Variants in MYO3B observed in about 807,000 individuals in gnomAD.
MYO3B encodes the protein myosin IIIB, also known as myosin-IIIb.
A neutral mutation model predicts 174.6 loss-of-function variants in MYO3B; 156 were observed. The ratio of observed to expected loss-of-function variants is 0.89; its 90% CI spans 0.78 to 1.02. The LOEUF (loss-of-function observed/expected upper bound fraction) is 1.02. MYO3B is among the 50% of genes least tolerant of loss of function. MYO3B has a pLI of 0.00. For missense variants in MYO3B, 1,632 were observed against 1,639.4 expected (o/e 1.00, Z 0.08); for synonymous variants, 563 against 569.1 (o/e 0.99, Z 0.15).
chr2:170,434,871 G>A (rs1394433380), intron 22 of MYO3B, among the ~76,000 whole-genome samples: 1 of 152,190 alleles, frequency 6.6e-6, no homozygotes, highest in African/African-American at 2.4e-5. Context: ...TGTTGCCCAA[G>A]CTGGTCTCAA....
Position 170,391,522 on chromosome 2 carries a change from G to C in MYO3B, c.1580G>C (p.Arg527Thr). The C allele has an allele frequency of 1.4e-6, 2 of 1,436,700 alleles. No homozygotes were observed. The highest frequency in any genetic ancestry group is 1.5e-5 in the African/African-American group (1 of 67,792). 89.0% of individuals were successfully genotyped at this position (1,436,700 alleles called of 1,614,324 possible). Residue 527 changes from arginine (R) to threonine (T), a missense_variant and splice_region_variant, in exon 15 of 35, where the codon AGA becomes ACA. Transcript: ENST00000408978. ...EKSRVIKQAAREKNFHIFYYI... is the reference protein window; with the variant it reads ...EKSRVIKQAATEKNFHIFYYI... ...ACTAAAGTCTCTTTTTTTTTCAGGA[G>C]AGAGAAAAATTTTCATATATTTTAC...
At chr2:170,213,712 A>G (rs1456266341) in intron 3 of MYO3B, among the ~76,000 whole-genome samples, 1 of 152,260 alleles carries the variant, frequency 6.6e-6, no homozygotes, top group African/African-American at 2.4e-5. Flanking sequence ...ACAAATATGC[A>G]AAATAAAATT....
chr2:170,590,583 ATGAT>A (rs1220363486), intron 32 of MYO3B, among the ~76,000 whole-genome samples: 12 of 147,820 alleles, frequency 8.1e-5, no homozygotes, highest in Non-Finnish European at 1.2e-4. Flanking sequence ...TATACTATAT[ATGAT>A]TGATTGATTT....
At chr2:170,181,281 A>G (rs759303925) in intron 1 of MYO3B, among the ~76,000 whole-genome samples, 1 of 152,040 alleles carries the variant, frequency 6.6e-6, no homozygotes, top group Non-Finnish European at 1.5e-5. Context: ...TAAAATATTG[A>G]CCTTGTTTGT....
intron 32 of MYO3B, among the ~76,000 whole-genome samples, chr2:170,620,011 G>C (rs1695777522): frequency 6.6e-6 from 1 of 151,912 alleles, no homozygotes; most frequent in Non-Finnish European, 1.5e-5. Context: ...AGCCCAAAGA[G>C]AGGTAATTAA....
chr2:170,401,803 T>TG, intron 18 of MYO3B, 112 bp downstream of exon 18: 1 of 363,382 alleles, frequency 2.8e-6, no homozygotes, highest in Non-Finnish European at 3.9e-6. Flanking sequence ...TTTCTTTTTC[T>TG]TTTTTTTTTT....
chr2:170,252,952 C>G (rs1348304922), intron 7 of MYO3B, among the ~76,000 whole-genome samples: 2 of 152,120 alleles, frequency 1.3e-5, no homozygotes, highest in African/African-American at 4.8e-5. Flanking sequence ...TGATGATGCC[C>G]TGGAGAGAGC....
At chr2:170,645,125 C>A (rs1347366351) in intron 32 of MYO3B, among the ~76,000 whole-genome samples, 5 of 152,066 alleles carry the variant, frequency 3.3e-5, no homozygotes, top group Non-Finnish European at 7.4e-5. Context: ...AGAAATAAGC[C>A]ACTTTGAGAA....
chr2:170,399,519 A>C (rs1313952907), intron 16 of MYO3B, among the ~76,000 whole-genome samples: 2 of 151,572 alleles, frequency 1.3e-5, no homozygotes, highest in Non-Finnish European at 1.5e-5. Flanking sequence ...TGTTATATAA[A>C]AATATAATTT....
chr2:170,403,692 G>A (rs1396176441), intron 19 of MYO3B, among the ~76,000 whole-genome samples: 1 of 152,178 alleles, frequency 6.6e-6, no homozygotes, highest in Non-Finnish European at 1.5e-5. Flanking sequence ...GCATGAGGAC[G>A]CACAAACTCA....
chr2:170,333,312 G>A (rs2093924909), intron 7 of MYO3B, among the ~76,000 whole-genome samples: 1 of 152,098 alleles, frequency 6.6e-6, no homozygotes, highest in African/African-American at 2.4e-5. Flanking sequence ...ATGTGATGGT[G>A]GTACTAGGGA....
chr2:170,273,117 G>A (rs1364143360), intron 7 of MYO3B, among the ~76,000 whole-genome samples: 1 of 152,090 alleles, frequency 6.6e-6, no homozygotes, highest in Non-Finnish European at 1.5e-5. Context: ...ATTCAAAAGT[G>A]GATCTCCAGG....
intron 1 of MYO3B, among the ~76,000 whole-genome samples, chr2:170,190,490 A>C (rs1316273844): frequency 6.6e-6 from 1 of 152,150 alleles, no homozygotes; most frequent in African/African-American, 2.4e-5. Context: ...TCTGGAAGCC[A>C]GGGCCTGAGT....
chr2:170,345,515 AT>A (rs939900612), intron 8 of MYO3B, among the ~76,000 whole-genome samples: 21 of 152,096 alleles, frequency 1.4e-4, no homozygotes, highest in African/African-American at 5.1e-4. Context: ...CTATTTAATG[AT>A]TTTTTGAAAT....
In MYO3B at chr2:170,371,111, G is replaced by A. The variant is rs529899149; in HGVS notation, c.971+1734G>A. The stretch of plus-strand genomic sequence containing the variant: ...CAGGCACCTGTAATCCCAGCTGCTC[G>A]GGAGGCTGAGGCAGGAGAATTGCTT... On this transcript the variant is annotated intron_variant, in intron 9 of 34. Coordinates refer to ENST00000408978, the MANE Select transcript of MYO3B (RefSeq NM_138995.5). Among the ~76,000 whole-genome samples the A allele has an allele frequency of 1.1e-3, 166 of 151,034 alleles. 1 individual carries two copies. Among genetic ancestry groups the A allele is most frequent in the African/African-American group, 3.7e-3 (154 of 41,118 alleles).
At chr2:170,274,209 C>G (rs1012229705) in intron 7 of MYO3B, among the ~76,000 whole-genome samples, 9 of 152,000 alleles carry the variant, frequency 5.9e-5, no homozygotes, top group African/African-American at 2.2e-4. Flanking sequence ...AGAGACCAAG[C>G]TGACGTTAGA....
chr2:170,519,932 C>T (rs1371441463), intron 30 of MYO3B: 1 of 153,024 alleles, frequency 6.5e-6, no homozygotes. Context: ...AAGATTGTGC[C>T]ACTGCACTTC....
In MYO3B at chr2:170,623,174, T is replaced by C. The variant is rs1178432754; in HGVS notation, c.3734-28454T>C. Among the ~76,000 whole-genome samples the C allele has an allele frequency of 3.9e-5, 6 of 152,232 alleles. No homozygotes were observed. In the South Asian group the frequency reaches 6.2e-4, roughly 16 times the overall value. On this transcript the variant is annotated intron_variant, in intron 32 of 34. Transcript: ENST00000408978. The stretch of plus-strand genomic sequence containing the variant: ...CTGTCTTCCACAATGGTTGAACTAG[T>C]GTACAGTCCCACCAACAGTGTAAAA...
At chr2:170,300,154 T>A (rs1429076206) in intron 7 of MYO3B, among the ~76,000 whole-genome samples, 1 of 73,816 alleles carries the variant, frequency 1.4e-5, no homozygotes, top group Non-Finnish European at 3.6e-5. Context: ...ACAGGGTAGA[T>A]TGTACTTACC....
Sources: gnomAD v4.1 joint callset for allele counts (sites outside exome capture counted in the v4.1 genomes callset) on GRCh38, gnomAD v4.1.1 for gene constraint, MANE v1.5 for transcripts, NCBI Gene and HGNC (gene_info 2026-07-23, HGNC 2026-07-21) for gene names.